Variants in DNAH6 observed in about 807,000 individuals in gnomAD.
DNAH6 encodes the protein dynein axonemal heavy chain 6, also known as axonemal beta dynein heavy chain 6.
In DNAH6, 340 loss-of-function variants were observed where a neutral mutation model predicts 491.4. The observed-to-expected ratio is 0.69, with a 90% CI of 0.63 to 0.76. The LOEUF is 0.76. Among genes scored for constraint, DNAH6 ranks in the 30% least tolerant of loss-of-function variants. The pLI, the probability that DNAH6 is intolerant of heterozygous loss-of-function variation, is 0.00. For missense variants in DNAH6, 4,443 were observed against 4,972.2 expected (o/e 0.89, Z 3.20); for synonymous variants, 1,603 against 1,686.1 (o/e 0.95, Z 1.21).
chr2:84,611,754 T>C lies in DNAH6; in HGVS notation c.3375T>C (p.Pro1125=), dbSNP rs1422981876. 1.3e-6 allele frequency: 2 copies of C among 1,551,160 alleles called. No individual in the cohort carries two copies. The highest frequency in any genetic ancestry group is 1.7e-6 in the Non-Finnish European group (2 of 1,146,702). ...FNAPDIQRQL[P]AEAKMFLQVD... ...CTCCAGACATTCAGAGGCAATTGCC[T>C]GCAGAGGCCAAGATGTTCCTTCAGG... Residue 1125 remains proline (P), a synonymous_variant, in exon 22 of 77, where the codon CCT becomes CCC. Coordinates refer to ENST00000389394, the MANE Select transcript of DNAH6 (RefSeq NM_001370.2).
intron 64 of DNAH6, among the ~76,000 whole-genome samples, chr2:84,766,451 G>A (rs1046575648): frequency 1.3e-5 from 2 of 152,092 alleles, no homozygotes; most frequent in African/African-American, 4.8e-5. Context: ...AACAAAATGG[G>A]AATTTCCGTA....
upstream of DNAH6, among the ~76,000 whole-genome samples, chr2:84,514,212 C>A (rs937956366): frequency 2.6e-5 from 4 of 152,144 alleles, no homozygotes; most frequent in African/African-American, 9.7e-5. Context: ...CTGCTATACT[C>A]CACTATATAT....
rs1293824571 is a variant in DNAH6 at position 84,699,589 on chromosome 2, G to C, written c.7678-5G>C. On this transcript the variant is annotated splice_polypyrimidine_tract_variant and splice_region_variant and intron_variant, in intron 47 of 76. Coordinates refer to ENST00000389394, the MANE Select transcript of DNAH6 (RefSeq NM_001370.2). ...AAACTGAAAAAATAACTTTCTTTTT[G>C]TCAGGTGTTTCAATACTTTATCAGC... 1 of 1,542,638 alleles carries C rather than the reference G, an allele frequency of 6.5e-7. No homozygotes were observed. The highest frequency in any genetic ancestry group is 2.5e-5 in the East Asian group (1 of 40,804).
At chr2:84,602,596 C>A (rs957117295) in intron 18 of DNAH6, among the ~76,000 whole-genome samples, 4 of 139,154 alleles carry the variant, frequency 2.9e-5, no homozygotes, top group Non-Finnish European at 6.1e-5. Context: ...GCTATTGTTA[C>A]TGTTCAAATT....
the DNAH6 span, among the ~76,000 whole-genome samples, chr2:84,510,238 A>T: frequency 2.6e-4 from 39 of 152,250 alleles, 1 homozygote; most frequent in African/African-American, 9.4e-4. Context: ...TGGTCTTTTC[A>T]CATAGTCCCA....
At chr2:84,663,590 G>A (rs1691762337) in intron 37 of DNAH6, among the ~76,000 whole-genome samples, 1 of 152,162 alleles carries the variant, frequency 6.6e-6, no homozygotes, top group Admixed American at 6.5e-5. Flanking sequence ...AGATATATGG[G>A]ACTGTGTGAA....
intron 16 of DNAH6, 146 bp from the exon 17 acceptor site, chr2:84,593,826 C>G: frequency 3.3e-6 from 1 of 303,348 alleles, no homozygotes; most frequent in Non-Finnish European, 5.9e-6. Context: ...TTTTCTTCAT[C>G]TGTTTCTAGT....
chr2:84,657,983 A>G (rs1274285802), intron 35 of DNAH6, among the ~76,000 whole-genome samples: 1 of 152,058 alleles, frequency 6.6e-6, no homozygotes, highest in Non-Finnish European at 1.5e-5. Flanking sequence ...GTGAAAGAAC[A>G]TCAGTATAGA....
Position 84,812,371 on chromosome 2 carries a change from G to A in DNAH6, c.11770G>A (p.Ala3924Thr), listed in dbSNP as rs753769956. ...TCTGGAAACACTCAACAAAGCCATC[G>A]CTGGATTTGTGGTGATGTCTGAAGA... The part of the protein sequence containing the change: ...TSLETLNKAI[A>T]GFVVMSEEME... The change falls in exon 73 of 77, where the codon GCT becomes ACT. Residue 3924 changes from alanine (A) to threonine (T), a missense_variant. By Grantham distance (58) the Ala-to-Thr change is moderately conservative (BLOSUM62 0). Coordinates refer to ENST00000389394, the MANE Select transcript of DNAH6 (RefSeq NM_001370.2). 49 of 1,551,808 alleles carry A rather than the reference G, an allele frequency of 3.2e-5. No individual in the cohort carries two copies. The highest frequency in any genetic ancestry group is 1.7e-4 in the Middle Eastern group (1 of 6,014).
chr2:84,785,875 G>T (rs1311447336), intron 67 of DNAH6, 119 bp downstream of exon 67: 1 of 1,066,922 alleles, frequency 9.4e-7, no homozygotes, highest in Non-Finnish European at 1.3e-6. Context: ...CCCATTCTGT[G>T]TCTGAACCCA....
At chr2:84,773,175 T>A (rs894684824) in intron 64 of DNAH6, among the ~76,000 whole-genome samples, 14 of 152,060 alleles carry the variant, frequency 9.2e-5, no homozygotes, top group Non-Finnish European at 1.5e-5. Flanking sequence ...ATCACTGAAG[T>A]AGTGAGCATA....
At chr2:84,727,239 AGCTTGGTGTT>A (rs2104955362) in intron 60 of DNAH6, among the ~76,000 whole-genome samples, 1 of 152,130 alleles carries the variant, frequency 6.6e-6, no homozygotes, top group South Asian at 2.1e-4. Flanking sequence ...TATTGTCAAG[AGCTTGGTGTT>A]GGTCCATTTC....
At chr2:84,690,551 T>G (rs1694747849) in intron 45 of DNAH6, among the ~76,000 whole-genome samples, 1 of 152,232 alleles carries the variant, frequency 6.6e-6, no homozygotes, top group African/African-American at 2.4e-5. Flanking sequence ...TTAATTCTAT[T>G]TATAATCTTT....
chr2:84,517,440 A>G (rs1282789015), intron 1 of DNAH6, among the ~76,000 whole-genome samples: 2 of 152,154 alleles, frequency 1.3e-5, no homozygotes, highest in African/African-American at 4.8e-5. Flanking sequence ...AATTAGCTGC[A>G]TTTTGAACAA....
chr2:84,754,140 A>G (rs1327707225), intron 63 of DNAH6, among the ~76,000 whole-genome samples: 1 of 150,898 alleles, frequency 6.6e-6, no homozygotes, highest in Non-Finnish European at 1.5e-5. Flanking sequence ...ATTTTTGTAT[A>G]TGATGTCAAG....
At chr2:84,679,905 A>G (rs1693618725) in intron 41 of DNAH6, among the ~76,000 whole-genome samples, 1 of 152,250 alleles carries the variant, frequency 6.6e-6, no homozygotes. Context: ...GTTAGAAACT[A>G]TTTGTATTTG....
intron 60 of DNAH6, among the ~76,000 whole-genome samples, chr2:84,725,669 T>C (rs1255403282): frequency 1.3e-5 from 2 of 152,174 alleles, no homozygotes; most frequent in Admixed American, 6.6e-5. Flanking sequence ...AAAAGTGATA[T>C]AGGATGAATC....
At chr2:84,462,367 A>G in the DNAH6 span, among the ~76,000 whole-genome samples, 2 of 152,240 alleles carry the variant, frequency 1.3e-5, no homozygotes, top group Non-Finnish European at 2.9e-5. Flanking sequence ...ACCAATGTAC[A>G]TCTTACAAAT....
chr2:84,565,304 A>T (rs1385596137), intron 11 of DNAH6, among the ~76,000 whole-genome samples: 1 of 148,262 alleles, frequency 6.7e-6, no homozygotes, highest in Non-Finnish European at 1.5e-5. Flanking sequence ...GTAGAATTTG[A>T]CTGTGAATCC....
Sources: gnomAD v4.1 joint callset for allele counts (sites outside exome capture counted in the v4.1 genomes callset) on GRCh38, gnomAD v4.1.1 for gene constraint, MANE v1.5 for transcripts, NCBI Gene and HGNC (gene_info 2026-07-23, HGNC 2026-07-21) for gene names.